The following GRIP1 variants were observed in gnomAD, a reference collection of about 807,000 sequenced individuals.
GRIP1 encodes the protein glutamate receptor interacting protein 1, also known as glutamate receptor-interacting protein 1.
GRIP1 carries 45 observed loss-of-function variants against 129.9 expected under a neutral mutation model. The observed-to-expected ratio is 0.35, with a 90% confidence interval of 0.27 to 0.44. The LOEUF (loss-of-function observed/expected upper bound fraction) is 0.44, where lower values mean the gene tolerates loss of function less well. GRIP1 is among the 20% of genes least tolerant of loss of function. The probability of loss-of-function intolerance (pLI) is 1.00; values close to 1 mark genes in which losing one functional copy is unlikely to be tolerated. For missense variants in GRIP1, 1,196 were observed against 1,396.8 expected (o/e 0.86, Z 2.29); for synonymous variants, 530 against 520.8 (o/e 1.02, Z -0.24).
At chr12:66,669,312 C>T (rs922187536) in intron 1 of GRIP1, among the ~76,000 whole-genome samples, 2 of 152,024 alleles carry the variant, frequency 1.3e-5, no homozygotes, top group Non-Finnish European at 2.9e-5. Flanking sequence ...CACTTGAACC[C>T]AGGAGGCGGA....
At chr12:67,017,110 A>G (rs1299484918) in intron 1 of GRIP1, among the ~76,000 whole-genome samples, 1 of 152,204 alleles carries the variant, frequency 6.6e-6, no homozygotes, top group African/African-American at 2.4e-5. Context: ...AGGAATTTAC[A>G]TTTTAGGAGA....
intron 1 of GRIP1, among the ~76,000 whole-genome samples, chr12:66,998,487 C>T (rs1425188780): frequency 2.0e-5 from 3 of 152,162 alleles, no homozygotes; most frequent in Admixed American, 2.0e-4. Context: ...AAATTCACGA[C>T]CACAAATCAC....
intron 1 of GRIP1, among the ~76,000 whole-genome samples, chr12:66,911,086 G>A (rs566063203): frequency 3.9e-4 from 59 of 152,296 alleles, no homozygotes; most frequent in Middle Eastern, 6.8e-3. Context: ...ACCCTCAAGG[G>A]GCTCTCCCTG....
At chr12:66,994,657 T>C (rs1351003711) in intron 1 of GRIP1, among the ~76,000 whole-genome samples, 2 of 151,992 alleles carry the variant, frequency 1.3e-5, no homozygotes, top group Non-Finnish European at 2.9e-5. Context: ...ACGTGTGAAA[T>C]CTACATTCTG....
chr12:66,766,821 T>C (rs565065289), intron 1 of GRIP1, among the ~76,000 whole-genome samples: 3 of 152,320 alleles, frequency 2.0e-5, no homozygotes, highest in South Asian at 4.1e-4. Context: ...CTCTTCCTAG[T>C]TCAGTGTTGA....
At chr12:66,788,474 G>A in intron 1 of GRIP1, among the ~76,000 whole-genome samples, 1 of 151,866 alleles carries the variant, frequency 6.6e-6, no homozygotes, top group Non-Finnish European at 1.5e-5. Context: ...CCTTCCTCAT[G>A]AGTATAGACT....
At chr12:66,524,702 GAC>G (rs1170942529) in intron 5 of GRIP1, among the ~76,000 whole-genome samples, 2 of 152,078 alleles carry the variant, frequency 1.3e-5, no homozygotes, top group Non-Finnish European at 2.9e-5. Flanking sequence ...CGGAAATAGA[GAC>G]ACAAAAAACT....
chr12:66,785,390 T>C (rs1743021534), intron 1 of GRIP1, among the ~76,000 whole-genome samples: 1 of 136,130 alleles, frequency 7.3e-6, no homozygotes, highest in African/African-American at 2.7e-5. Flanking sequence ...CACTTTCCTA[T>C]AGTCCCAGCT....
chr12:66,351,555 G>GTTTTTTTTT lies in GRIP1; in HGVS notation c.3159+1861_3159+1862insAAAAAAAAA, dbSNP rs1565655525. On this transcript the variant is annotated intron_variant, in intron 24 of 24. Transcript: ENST00000359742. ...AGTATATGCAGGGAAACAGGAAGGT[G>GTTTTTTTTT]GTTTTTTTTTTTTTTTTTTTGGAAA... Among the ~76,000 whole-genome samples the GTTTTTTTTT allele has an allele frequency of 1.9e-3, 277 of 143,430 alleles. 6 individuals carry two copies. Among genetic ancestry groups the GTTTTTTTTT allele is most frequent in the African/African-American group, 6.9e-3 (259 of 37,414 alleles). 94.1% of individuals were successfully genotyped at this position (143,430 alleles called of 152,430 possible). A position where few individuals can be genotyped will look rare whatever the true frequency, so the allele number is the denominator to read the frequency against.
At chr12:66,761,678 C>T (rs1004380466) in intron 1 of GRIP1, among the ~76,000 whole-genome samples, 13 of 152,272 alleles carry the variant, frequency 8.5e-5, no homozygotes, top group Non-Finnish European at 1.6e-4. Context: ...TGGAGTCTAG[C>T]CCACAGCAGG....
intron 1 of GRIP1, among the ~76,000 whole-genome samples, chr12:66,636,715 C>CTCTGTGTGTGTGTG (rs779418554): frequency 7.6e-4 from 111 of 145,210 alleles, no homozygotes; most frequent in African/African-American, 2.7e-3. Flanking sequence ...CATTAGATCT[C>CTCTGTGTGTGTGTG]TGTGTGTGTG....
At chr12:66,750,637 A>G (rs911213508) in intron 1 of GRIP1, among the ~76,000 whole-genome samples, 1 of 152,194 alleles carries the variant, frequency 6.6e-6, no homozygotes, top group African/African-American at 2.4e-5. Flanking sequence ...CAACAGGGTC[A>G]ATCCAGGTTT....
chr12:66,962,316 C>A (rs1408266671), intron 1 of GRIP1, among the ~76,000 whole-genome samples: 1 of 152,072 alleles, frequency 6.6e-6, no homozygotes, highest in Non-Finnish European at 1.5e-5. Flanking sequence ...TGCAAAGAAA[C>A]TTCCACATTG....
At chr12:66,861,839 A>G (rs1413635970) in intron 1 of GRIP1, among the ~76,000 whole-genome samples, 4 of 152,158 alleles carry the variant, frequency 2.6e-5, no homozygotes, top group Non-Finnish European at 5.9e-5. Flanking sequence ...TGGTAAGAAA[A>G]GAATAAGTGG....
chr12:66,885,797 G>A (rs543447947), intron 1 of GRIP1, among the ~76,000 whole-genome samples: 1 of 152,286 alleles, frequency 6.6e-6, no homozygotes, highest in African/African-American at 2.4e-5. Flanking sequence ...ATCTTTCTGC[G>A]AAAGAAGAGT....
intron 23 of GRIP1, among the ~76,000 whole-genome samples, chr12:66,370,190 G>A (rs1278048218): frequency 6.6e-6 from 1 of 152,170 alleles, no homozygotes; most frequent in East Asian, 1.9e-4. Context: ...TCTGTCCCCT[G>A]ATAGTGGGTT....
intron 1 of GRIP1, among the ~76,000 whole-genome samples, chr12:66,771,528 A>T (rs2136724947): frequency 6.6e-6 from 1 of 152,296 alleles, no homozygotes; most frequent in South Asian, 2.1e-4. Context: ...GTATATGTTA[A>T]GGCTGAATTA....
At chr12:66,680,479 C>T (rs547733883), upstream of GRIP1, among the ~76,000 whole-genome samples, 20 of 152,234 alleles carry the variant, frequency 1.3e-4, no homozygotes, top group South Asian at 1.2e-3. Context: ...GCTAAAGCAA[C>T]CACTAATCAA....
At chr12:66,730,439 T>C (rs2036397219) in intron 1 of GRIP1, among the ~76,000 whole-genome samples, 1 of 152,118 alleles carries the variant, frequency 6.6e-6, no homozygotes, top group South Asian at 2.1e-4. Context: ...GGTTGAAAAA[T>C]GCATCATTTA....
Sources: allele counts gnomAD v4.1 joint callset (sites outside exome capture counted in the v4.1 genomes callset), GRCh38; gene constraint gnomAD v4.1.1; transcripts MANE v1.5; gene names NCBI Gene and HGNC (gene_info 2026-07-23, HGNC 2026-07-21).